The following MYT1L variants were observed in gnomAD, a reference collection of about 807,000 sequenced individuals.
The protein encoded by MYT1L is myelin transcription factor 1-like protein.
MYT1L carries 12 observed loss-of-function variants against 126.7 expected under a neutral mutation model. The observed-to-expected ratio is 0.09, with a 90% CI of 0.06 to 0.15. The LOEUF is 0.15. Ranked by LOEUF, MYT1L falls within the 10% of genes least tolerant of loss-of-function variation. The pLI is 1.00. For missense variants in MYT1L, 979 were observed against 1,585.2 expected (o/e 0.62, Z 6.49); for synonymous variants, 541 against 604.2 (o/e 0.90, Z 1.53).
At position 2,167,346 on chromosome 2, in the gene MYT1L, G is replaced by A. The variant is rs138117860; in HGVS notation, c.-304+5526C>T. Among the ~76,000 whole-genome samples, 40 of 152,214 alleles carry A rather than the reference G, an allele frequency of 2.6e-4. No individual in the cohort carries two copies. In the East Asian group the frequency reaches 6.6e-3, roughly 25 times the overall value. On this transcript the variant is annotated intron_variant, in intron 3 of 24. Transcript: ENST00000647738. The stretch of plus-strand genomic sequence containing the variant: ...TGAATCCCACCTGGATCTGCACAGC[G>A]TTGCTGCACTGTAAGCCCACCACAC...
intron 2 of MYT1L, among the ~76,000 whole-genome samples, chr2:2,238,507 G>T (rs552136830): frequency 6.6e-6 from 1 of 152,160 alleles, no homozygotes; most frequent in Admixed American, 6.5e-5. Flanking sequence ...GGAGATTGTC[G>T]TTCGTCACTT....
At position 2,323,002 on chromosome 2, in the gene MYT1L, T is replaced by A. The variant is rs937627901; in HGVS notation, c.-521+7965A>T. Among the ~76,000 whole-genome samples the A allele has an allele frequency of 2.0e-5, 3 of 152,152 alleles. No individual in the cohort carries two copies. The East Asian group carries it at 5.8e-4, about 29-fold the overall frequency. The stretch of plus-strand genomic sequence containing the variant: ...AAATAGAAAAAGAAATGTGTCTGTG[T>A]GTATAAACACACACACATTGAAAAA... On this transcript the variant is annotated intron_variant, in intron 1 of 24. Coordinates refer to ENST00000647738, the MANE Select transcript of MYT1L (RefSeq NM_001303052.2).
chr2:1,995,422 T>G (rs763775728), intron 5 of MYT1L, among the ~76,000 whole-genome samples: 2 of 151,914 alleles, frequency 1.3e-5, no homozygotes, highest in Non-Finnish European at 2.9e-5. Context: ...TGCCCTCCCT[T>G]CAAGGAGCAG....
intron 2 of MYT1L, among the ~76,000 whole-genome samples, chr2:2,201,491 A>C (rs1318799325): frequency 6.6e-6 from 1 of 152,158 alleles, no homozygotes; most frequent in South Asian, 2.1e-4. Context: ...CGAGGTCAAG[A>C]GTTTGAGACC....
chr2:2,198,598 C>T (rs2092924932), intron 2 of MYT1L, among the ~76,000 whole-genome samples: 1 of 151,582 alleles, frequency 6.6e-6, no homozygotes, highest in African/African-American at 2.4e-5. Flanking sequence ...GTGGCTCATG[C>T]CTGTAATCCC....
chr2:1,929,409 C>T lies in MYT1L; in HGVS notation c.506-6146G>A, dbSNP rs1026220880. ...TCTAACTCAGAGCCCTGCAGTTCAA[C>T]GCAGGTGAAAGGGGAACATGGAGGG... On this transcript the variant is annotated intron_variant, in intron 9 of 24. Transcript: ENST00000647738. The surrounding 1 kb of genome is among the most constrained non-coding windows in gnomAD (Gnocchi z 4.7). Among the ~76,000 whole-genome samples the T allele has an allele frequency of 2.6e-5, 4 of 152,208 alleles. No individual in the cohort carries two copies. Among genetic ancestry groups the T allele is most frequent in the South Asian group, 2.1e-4 (1 of 4,774 alleles).
Position 1,903,154 on chromosome 2 carries a change from T to C in MYT1L, c.1958A>G (p.Asn653Ser), listed in dbSNP as rs1323531880. The C allele has an allele frequency of 2.5e-6, 4 of 1,614,026 alleles. No individual in the cohort carries two copies. Among genetic ancestry groups the C allele is most frequent in the Admixed American group, 1.7e-5 (1 of 60,020 alleles). ...TATGGCTCGCTTGCCATAAGTATGG[T>C]TGTCGTAACTGTTGTATTCAAACGA... ...KTSFEYNSYD[N>S]HTYGKRAIAP... The change falls in exon 14 of 25, where the codon AAC becomes AGC. Residue 653 changes from asparagine to serine, a missense_variant. Physicochemically the swap from Asn to Ser is conservative, Grantham distance 46 (BLOSUM62 1). Coordinates refer to ENST00000647738, the MANE Select transcript of MYT1L (RefSeq NM_001303052.2).
At chr2:2,188,151 T>C (rs1394814862) in intron 2 of MYT1L, among the ~76,000 whole-genome samples, 1 of 152,118 alleles carries the variant, frequency 6.6e-6, no homozygotes, top group Non-Finnish European at 1.5e-5. Flanking sequence ...CACACACACA[T>C]ACACTTCCTT....
intron 1 of MYT1L, among the ~76,000 whole-genome samples, chr2:2,313,277 T>A (rs1296300810): frequency 6.6e-6 from 1 of 152,036 alleles, no homozygotes; most frequent in East Asian, 1.9e-4. Flanking sequence ...AAAAAAAATC[T>A]TGGAAAATCA....
At chr2:2,006,314 A>G (rs181984562) in intron 4 of MYT1L, among the ~76,000 whole-genome samples, 131 of 152,328 alleles carry the variant, frequency 8.6e-4, no homozygotes, top group Non-Finnish European at 1.6e-3. Context: ...TACATCGTAG[A>G]ATGCTTACTA....
rs2054680098 is a variant in MYT1L, at chr2:1,929,555, T to A, written c.506-6292A>T. Among the ~76,000 whole-genome samples, 1 of 152,220 alleles carries A rather than the reference T, an allele frequency of 6.6e-6. No homozygotes were observed. Among genetic ancestry groups the A allele is most frequent in the African/African-American group, 2.4e-5 (1 of 41,460 alleles). ...CATCTAACTCAGCAGTGCTTCTGTG[T>A]GTCTTATTTCCAGTATCATAGGAAA... On this transcript the variant is annotated intron_variant, in intron 9 of 24. Transcript: ENST00000647738. This position sits in a 1 kb window ranked among gnomAD's most constrained non-coding sequence, Gnocchi z 4.7.
At chr2:2,076,029 C>T (rs2075182224) in intron 3 of MYT1L, among the ~76,000 whole-genome samples, 1 of 152,224 alleles carries the variant, frequency 6.6e-6, no homozygotes, top group South Asian at 2.1e-4. Context: ...AATCTGGACT[C>T]TGTGGGCACA....
chr2:2,130,392 T>C (rs1575380874), intron 3 of MYT1L, among the ~76,000 whole-genome samples: 1 of 152,066 alleles, frequency 6.6e-6, no homozygotes. Context: ...ATGAAAACTC[T>C]GAATGGTATT....
rs1211277246 is a variant in MYT1L, at chr2:2,228,957, CG to C, written c.-421+55446del. Among the ~76,000 whole-genome samples the C allele has an allele frequency of 3.3e-5, 5 of 151,986 alleles. No homozygotes were observed. Among genetic ancestry groups the C allele is most frequent in the Admixed American group, 6.5e-5 (1 of 15,270 alleles). ...GTAGAGAAGGATATGAAGTGAAACA[CG>C]GGGGTCTTCCAACGTATCCAGCTGA... On this transcript the variant is annotated intron_variant, in intron 2 of 24. Coordinates refer to ENST00000647738, the MANE Select transcript of MYT1L (RefSeq NM_001303052.2). The surrounding 1 kb of genome is among the most constrained non-coding windows in gnomAD (Gnocchi z 5.9).
At chr2:1,991,387 T>C (rs1458936577) in intron 5 of MYT1L, among the ~76,000 whole-genome samples, 1 of 152,082 alleles carries the variant, frequency 6.6e-6, no homozygotes, top group African/African-American at 2.4e-5. Flanking sequence ...GCCTTGGACC[T>C]CCTAGACCCA....
At chr2:2,220,063 G>A (rs1384087134) in intron 2 of MYT1L, among the ~76,000 whole-genome samples, 2 of 152,022 alleles carry the variant, frequency 1.3e-5, no homozygotes, top group African/African-American at 4.8e-5. Context: ...AGGGGAGGAT[G>A]GAAAAGTGGA....
At chr2:1,976,969 G>A (rs555623166) in intron 8 of MYT1L, among the ~76,000 whole-genome samples, 2 of 152,280 alleles carry the variant, frequency 1.3e-5, no homozygotes, top group African/African-American at 4.8e-5. Flanking sequence ...TGGTCCATTA[G>A]TGATGTAGTG....
chr2:2,183,087 C>T (rs2091712969), intron 2 of MYT1L, among the ~76,000 whole-genome samples: 1 of 152,124 alleles, frequency 6.6e-6, no homozygotes, highest in Non-Finnish European at 1.5e-5. Context: ...GGGAGATCTC[C>T]TGGACAGAAA....
chr2:2,169,832 A>G (rs2089751715), intron 3 of MYT1L, among the ~76,000 whole-genome samples: 1 of 152,030 alleles, frequency 6.6e-6, no homozygotes, highest in African/African-American at 2.4e-5. Context: ...GCGCGGTTTT[A>G]TGGACAGAAC....
Sources: allele counts gnomAD v4.1 joint callset (sites outside exome capture counted in the v4.1 genomes callset), GRCh38; gene constraint gnomAD v4.1.1; non-coding constraint Gnocchi (gnomAD v3.1); transcripts MANE v1.5; gene names NCBI Gene and HGNC (gene_info 2026-07-23, HGNC 2026-07-21).